STAG1: variants seen among roughly 807,000 people sequenced by gnomAD.
STAG1 encodes cohesin subunit SA-1.
Under a neutral mutation model 170.9 loss-of-function variants are expected in STAG1, and 26 were observed. The observed-to-expected ratio is 0.15, with a 90% CI of 0.11 to 0.21. The LOEUF is 0.21. STAG1 is among the 10% of genes least tolerant of loss of function. The pLI is 1.00. For missense variants in STAG1, 964 were observed against 1,509.5 expected, an observed-to-expected ratio of 0.64 and a Z score of 5.99; for synonymous variants, 514 against 497.7, an observed-to-expected ratio of 1.03 and a Z score of -0.44.
chr3:136,594,447 C>T (rs1362105617), intron 4 of STAG1, among the ~76,000 whole-genome samples: 1 of 152,112 alleles, frequency 6.6e-6, no homozygotes, highest in Non-Finnish European at 1.5e-5. Flanking sequence ...TTTAAATGGA[C>T]AAAATTAGTT....
At chr3:136,464,859 T>C (rs150959810) in intron 13 of STAG1, 22 bp downstream of exon 13, 6 of 1,590,740 alleles carry the variant, frequency 3.8e-6, no homozygotes, top group Non-Finnish European at 5.1e-6. Context: ...GTAGAACCGG[T>C]TTTCAAAGAT....
chr3:136,529,625 C>T (rs1430479863), intron 6 of STAG1, among the ~76,000 whole-genome samples: 2 of 152,146 alleles, frequency 1.3e-5, no homozygotes, highest in African/African-American at 4.8e-5. Context: ...ACCACCAGAT[C>T]TGTTCTACAC....
At chr3:136,371,462 T>C (rs938315346) in intron 23 of STAG1, among the ~76,000 whole-genome samples, 1 of 152,194 alleles carries the variant, frequency 6.6e-6, no homozygotes, top group Admixed American at 6.5e-5. Flanking sequence ...ATGCCTAGGT[T>C]TTCTTCTAGG....
chr3:136,376,908 A>T (rs1434070989), intron 23 of STAG1, among the ~76,000 whole-genome samples: 1 of 151,598 alleles, frequency 6.6e-6, no homozygotes, highest in Non-Finnish European at 1.5e-5. Flanking sequence ...CTCCTGCCTC[A>T]GTCTCCCAAG....
intron 21 of STAG1, among the ~76,000 whole-genome samples, chr3:136,417,205 A>G (rs925216024): frequency 1.3e-5 from 2 of 152,166 alleles, no homozygotes; most frequent in Non-Finnish European, 2.9e-5. Context: ...TTACTGCTTT[A>G]GAGTAATAAG....
At chr3:136,659,180 A>G (rs1941493006) in intron 1 of STAG1, among the ~76,000 whole-genome samples, 1 of 152,246 alleles carries the variant, frequency 6.6e-6, no homozygotes, top group African/African-American at 2.4e-5. Flanking sequence ...TTTAAACAAC[A>G]GTAAAATAAG....
chr3:136,338,932 C>T (rs564150460), intron 32 of STAG1, among the ~76,000 whole-genome samples: 1 of 152,304 alleles, frequency 6.6e-6, no homozygotes, highest in East Asian at 1.9e-4. Flanking sequence ...AAATTCACAA[C>T]ATACAAAGCA....
chr3:136,518,530 T>C, intron 7 of STAG1: 1 of 614,294 alleles, frequency 1.6e-6, no homozygotes, highest in Non-Finnish European at 2.9e-6. Context: ...GGATAATTGT[T>C]GTCCAGCCTG....
intron 28 of STAG1, 120 bp downstream of exon 28, chr3:136,357,600 A>G: frequency 2.7e-6 from 2 of 749,530 alleles, no homozygotes; most frequent in Non-Finnish European, 2.1e-6. Context: ...CCTTAAAACA[A>G]ACTATCAGAG....
rs894860702 is a variant in STAG1 at position 136,638,233 on chromosome 3, A to G, written c.-83-7252T>C. 3.3e-5 allele frequency among the ~76,000 whole-genome samples: 5 copies of G among 151,064 alleles called. No homozygotes were observed. The East Asian group carries it at 9.8e-4, about 30-fold the overall frequency. On this transcript the variant is annotated intron_variant, in intron 1 of 33. Coordinates refer to ENST00000383202, the MANE Select transcript of STAG1 (RefSeq NM_005862.3). Reference sequence around the variant, plus strand: ...ACTGCAATCTCCGCCTCCCAGATTCAAGCGATTCTCCTGCCTCAGCCTCCC... The same window carrying G: ...ACTGCAATCTCCGCCTCCCAGATTCGAGCGATTCTCCTGCCTCAGCCTCCC...
intron 22 of STAG1, among the ~76,000 whole-genome samples, chr3:136,393,267 A>G (rs11717954): frequency 0.35 from 53,184 of 152,088 alleles, 11,655 homozygotes; most frequent in East Asian, 0.81. Context: ...AAAAATGGAT[A>G]GAGTTTTAGG....
chr3:136,344,146 A>C (rs2108261740), intron 29 of STAG1, 140 bp from the exon 30 acceptor site: 2 of 569,914 alleles, frequency 3.5e-6, no homozygotes, highest in Non-Finnish European at 2.9e-6. Context: ...TACTTACATG[A>C]CTTTGTGTAA....
At chr3:136,456,747 T>C (rs1157393273) in intron 13 of STAG1, among the ~76,000 whole-genome samples, 1 of 152,082 alleles carries the variant, frequency 6.6e-6, no homozygotes, top group Non-Finnish European at 1.5e-5. Context: ...AGAAGAAATA[T>C]TCAAAGCATC....
At position 136,716,599 on chromosome 3, in the gene STAG1, T is replaced by C. The variant is rs550443124; in HGVS notation, c.-84+35596A>G. Among the ~76,000 whole-genome samples the C allele has an allele frequency of 2.0e-5, 3 of 152,374 alleles. No individual in the cohort carries two copies. In the East Asian group the frequency reaches 5.8e-4, roughly 29 times the overall value. On this transcript the variant is annotated intron_variant, in intron 1 of 33. Coordinates refer to ENST00000383202, the MANE Select transcript of STAG1 (RefSeq NM_005862.3). ...AGGCTGAAGGTGCAGTGAGCCATGATGGCACCAATGCACTTCAGCCGGGAC... is the reference window on the plus strand; with the variant it reads ...AGGCTGAAGGTGCAGTGAGCCATGACGGCACCAATGCACTTCAGCCGGGAC...
rs1005218228 is a variant in STAG1, at chr3:136,606,313, A to G, written c.133-1840T>C. On this transcript the variant is annotated intron_variant, in intron 3 of 33. Coordinates refer to ENST00000383202, the MANE Select transcript of STAG1 (RefSeq NM_005862.3). ...AAGTGATTCTCCTGCCTCAGCCTCTAGAGTAGCTATGATCATAGGCGCCTG... is the reference window on the plus strand; with the variant it reads ...AAGTGATTCTCCTGCCTCAGCCTCTGGAGTAGCTATGATCATAGGCGCCTG... 5.9e-5 allele frequency among the ~76,000 whole-genome samples: 9 copies of G among 151,546 alleles called. No homozygotes were observed. The South Asian group carries it at 1.0e-3, about 18-fold the overall frequency.
chr3:136,748,479 C>A (rs1207817173), intron 1 of STAG1, among the ~76,000 whole-genome samples: 2 of 152,048 alleles, frequency 1.3e-5, no homozygotes, highest in Non-Finnish European at 2.9e-5. Context: ...TCACTGCAAG[C>A]TCCGCCTCCC....
At chr3:136,378,243 C>T (rs1024953861) in intron 22 of STAG1, among the ~76,000 whole-genome samples, 1 of 152,150 alleles carries the variant, frequency 6.6e-6, no homozygotes, top group Non-Finnish European at 1.5e-5. Flanking sequence ...AGGCCAATTA[C>T]GGAGATGAAG....
chr3:136,591,276 A>C, intron 4 of STAG1, among the ~76,000 whole-genome samples: 1 of 126,180 alleles, frequency 7.9e-6, no homozygotes, highest in South Asian at 3.0e-4. Context: ...GGAGGGGAGG[A>C]GGGAAGGCGG....
chr3:136,530,116 A>G (rs552841771), intron 6 of STAG1, among the ~76,000 whole-genome samples: 1 of 152,340 alleles, frequency 6.6e-6, no homozygotes, highest in African/African-American at 2.4e-5. Flanking sequence ...CAAACTGTAC[A>G]TCAAAAACAG....
Sources: gnomAD v4.1 joint callset for allele counts (sites outside exome capture counted in the v4.1 genomes callset) on GRCh38, gnomAD v4.1.1 for gene constraint, MANE v1.5 for transcripts, NCBI Gene and HGNC (gene_info 2026-07-23, HGNC 2026-07-21) for gene names.